METTL15: variants seen among roughly 807,000 people sequenced by gnomAD.
The protein encoded by METTL15 is methyltransferase 15, mitochondrial 12S rRNA N4-cytidine.
A neutral mutation model predicts 38.3 loss-of-function variants in METTL15; 34 were observed. The ratio of observed to expected loss-of-function variants is 0.89; its 90% confidence interval spans 0.68 to 1.18. METTL15 has a LOEUF of 1.18. Among genes scored for constraint, METTL15 ranks in the 50% most tolerant of loss-of-function variants. METTL15 has a pLI of 0.00. For synonymous variants in METTL15, 162 were observed against 170.9 expected, an observed-to-expected ratio of 0.95 and a Z score of 0.41; for missense variants, 438 against 498.4, an observed-to-expected ratio of 0.88 and a Z score of 1.15.
At chr11:28,344,468 G>C (rs1849980475) in intron 3 of METTL15, among the ~76,000 whole-genome samples, 1 of 152,128 alleles carries the variant, frequency 6.6e-6, no homozygotes, top group Non-Finnish European at 1.5e-5. Context: ...ATTTATGAAA[G>C]CTCTTCAGTT....
intron 5 of METTL15, chr11:28,410,811 TG>T: frequency 6.6e-6 from 1 of 152,074 alleles, no homozygotes; most frequent in East Asian, 1.9e-4. Context: ...GTATGCAAAT[TG>T]GAAAAGCAGA....
At chr11:28,378,632 GGGAGCTGTAGACA>G (rs1393164349) in intron 5 of METTL15, among the ~76,000 whole-genome samples, 2 of 152,178 alleles carry the variant, frequency 1.3e-5, no homozygotes, top group Non-Finnish European at 2.9e-5. Flanking sequence ...CGCTCAGGCT[GGGAGCTGTAGACA>G]GGAGCTGTTC....
chr11:28,505,373 T>C (rs1851619901), intron 6 of METTL15, among the ~76,000 whole-genome samples: 1 of 152,184 alleles, frequency 6.6e-6, no homozygotes, highest in African/African-American at 2.4e-5. Flanking sequence ...AGCAGGACGA[T>C]TTACTGACAC....
chr11:28,185,486 A>G (rs1450465393), intron 3 of METTL15, among the ~76,000 whole-genome samples: 1 of 151,500 alleles, frequency 6.6e-6, no homozygotes, highest in Admixed American at 6.6e-5. Flanking sequence ...TATACAAATC[A>G]TCTTCAAAAG....
At chr11:28,289,166 C>T (rs1398720675) in intron 4 of METTL15, among the ~76,000 whole-genome samples, 1 of 152,068 alleles carries the variant, frequency 6.6e-6, no homozygotes, top group African/African-American at 2.4e-5. Context: ...TAGTGGCACC[C>T]ATCAGATTAT....
intron 6 of METTL15, among the ~76,000 whole-genome samples, chr11:28,461,522 CTCATTGCATAATGGG>C (rs1470907969): frequency 6.6e-6 from 1 of 151,936 alleles, no homozygotes; most frequent in African/African-American, 2.4e-5. Flanking sequence ...TACAATGTAG[CTCATTGCATAATGGG>C]TCATTGCATA....
intron 6 of METTL15, among the ~76,000 whole-genome samples, chr11:28,496,558 G>C (rs1398404044): frequency 2.0e-5 from 3 of 152,150 alleles, no homozygotes; most frequent in Non-Finnish European, 2.9e-5. Context: ...GCTGCCATTG[G>C]GGTCACCAGA....
chr11:28,186,397 T>C (rs1021250724), intron 3 of METTL15, among the ~76,000 whole-genome samples: 5 of 151,376 alleles, frequency 3.3e-5, no homozygotes, highest in African/African-American at 1.2e-4. Flanking sequence ...TTTTTTTGTA[T>C]ATATCTTAAT....
chr11:28,173,308 G>T (rs981735057), intron 3 of METTL15, among the ~76,000 whole-genome samples: 2 of 152,064 alleles, frequency 1.3e-5, no homozygotes, highest in Admixed American at 1.3e-4. Flanking sequence ...ATCATGAAGG[G>T]GAAGAGTACC....
At chr11:28,233,594 G>C (rs552525637) in intron 4 of METTL15, among the ~76,000 whole-genome samples, 3 of 151,724 alleles carry the variant, frequency 2.0e-5, no homozygotes, top group Non-Finnish European at 4.4e-5. Context: ...TGGTGAGTGA[G>C]GTATAAGTGA....
At chr11:28,502,760 C>A (rs781050324) in intron 6 of METTL15, among the ~76,000 whole-genome samples, 1 of 151,958 alleles carries the variant, frequency 6.6e-6, no homozygotes. Context: ...TGGATACCTG[C>A]AAAGTAAGCT....
intron 3 of METTL15, among the ~76,000 whole-genome samples, chr11:28,164,499 T>C (rs1232652781): frequency 3.3e-5 from 5 of 152,100 alleles, no homozygotes; most frequent in Non-Finnish European, 1.5e-5. Flanking sequence ...TCTTTCACTT[T>C]GGAAAATTAG....
At chr11:28,389,004 C>T (rs1490670924) in intron 5 of METTL15, among the ~76,000 whole-genome samples, 3 of 152,084 alleles carry the variant, frequency 2.0e-5, no homozygotes, top group Non-Finnish European at 4.4e-5. Flanking sequence ...CTACAAAGGA[C>T]ATGAACTCAT....
At chr11:28,499,166 A>C (rs933744784) in intron 6 of METTL15, among the ~76,000 whole-genome samples, 15 of 152,140 alleles carry the variant, frequency 9.9e-5, no homozygotes, top group African/African-American at 3.4e-4. Flanking sequence ...TGCTGGTCTC[A>C]AGCAGACCTG....
intron 4 of METTL15, among the ~76,000 whole-genome samples, chr11:28,278,929 C>T (rs974836592): frequency 5.3e-5 from 8 of 152,122 alleles, no homozygotes; most frequent in Admixed American, 4.6e-4. Context: ...CAGACCCAAG[C>T]GATCCTCACA....
At chr11:28,301,227 T>G (rs1565236938) in intron 6 of METTL15, among the ~76,000 whole-genome samples, 1 of 152,078 alleles carries the variant, frequency 6.6e-6, no homozygotes, top group Non-Finnish European at 1.5e-5. Flanking sequence ...CCTGCAGGCC[T>G]TGGATGTCCT....
chr11:28,522,246 C>G (rs908609649), intron 6 of METTL15, among the ~76,000 whole-genome samples: 7 of 152,096 alleles, frequency 4.6e-5, no homozygotes, highest in African/African-American at 1.7e-4. Context: ...TCAGGATAAT[C>G]CAGAAAAACT....
chr11:28,220,966 G>T (rs528372368), intron 4 of METTL15, among the ~76,000 whole-genome samples: 17 of 152,148 alleles, frequency 1.1e-4, no homozygotes, highest in South Asian at 4.2e-4. Flanking sequence ...GTGGGTAACC[G>T]GACCTTTCTC....
intron 3 of METTL15, among the ~76,000 whole-genome samples, chr11:28,137,602 A>G (rs1297130098): frequency 6.6e-6 from 1 of 152,068 alleles, no homozygotes; most frequent in East Asian, 1.9e-4. Flanking sequence ...GGCAAGTCAA[A>G]CAGTTCTCAA....
Sources: allele counts gnomAD v4.1 joint callset (sites outside exome capture counted in the v4.1 genomes callset), GRCh38; gene constraint gnomAD v4.1.1; transcripts MANE v1.5; gene names NCBI Gene and HGNC (gene_info 2026-07-23, HGNC 2026-07-21).